MYH14: variants seen among roughly 807,000 people sequenced by gnomAD.
MYH14 encodes myosin-14.
A neutral mutation model predicts 255.5 loss-of-function variants in MYH14; 123 were observed. The observed-to-expected ratio is 0.48, with a 90% confidence interval of 0.42 to 0.56. The LOEUF (loss-of-function observed/expected upper bound fraction) is 0.56, where lower values mean the gene tolerates loss of function less well. Among genes scored for constraint, MYH14 ranks in the 20% least tolerant of loss-of-function variants. MYH14 has a pLI of 0.00. For missense variants in MYH14, 2,423 were observed against 2,802.3 expected (o/e 0.86, Z 3.06); for synonymous variants, 1,095 against 1,161.2 (o/e 0.94, Z 1.16).
At chr19:50,225,886 G>A (rs572139204) in intron 7 of MYH14, among the ~76,000 whole-genome samples, 3 of 110,402 alleles carry the variant, frequency 2.7e-5, no homozygotes, top group Non-Finnish European at 5.8e-5. Flanking sequence ...TTGAGTCTGA[G>A]GGAGGAGGGG....
intron 1 of MYH14, among the ~76,000 whole-genome samples, chr19:50,206,850 G>T (rs57504675): frequency 6.6e-6 from 1 of 151,942 alleles, no homozygotes; most frequent in South Asian, 2.1e-4. Context: ...CTGCTGTTGG[G>T]GAGACAGAAA....
intron 1 of MYH14, among the ~76,000 whole-genome samples, chr19:50,204,933 A>G (rs1170939803): frequency 1.3e-5 from 2 of 151,652 alleles, no homozygotes; most frequent in Admixed American, 1.3e-4. Flanking sequence ...TATGATCTCA[A>G]AGAGCTGTTC....
intron 21 of MYH14, 67 bp from the exon 22 acceptor site, chr19:50,263,245 G>T: frequency 1.0e-6 from 1 of 965,346 alleles, no homozygotes. Flanking sequence ...AAAGGAGCTT[G>T]GCTCTCTTGC....
At chr19:50,272,336 G>C (rs1193267093) in intron 26 of MYH14, among the ~76,000 whole-genome samples, 1 of 152,088 alleles carries the variant, frequency 6.6e-6, no homozygotes, top group East Asian at 1.9e-4. Flanking sequence ...GTCAGAGGGT[G>C]GAGGCATGGG....
At chr19:50,255,443 T>C in intron 17 of MYH14, 125 bp downstream of exon 17, 1 of 724,790 alleles carries the variant, frequency 1.4e-6, no homozygotes, top group Non-Finnish European at 2.4e-6. Context: ...TCACTCTTCC[T>C]TTCCCTCCTT....
rs766899159 is a variant in MYH14, at chr19:50,278,160, G to A, written c.3903G>A (p.Leu1301=). The A allele has an allele frequency of 7.4e-6, 12 of 1,612,168 alleles. No individual in the cohort carries two copies. ...AGCTGCGGGCAGAACTGAGCAGCCT[G>A]CAGACTGCACGTCAGGAGGGTGAGC... ...VSELRAELSS[L]QTARQEGEQR... Residue 1301 remains leucine, a synonymous_variant, in exon 30 of 43, where the codon CTG becomes CTA. Coordinates refer to ENST00000642316, the MANE Select transcript of MYH14 (RefSeq NM_001145809.2).
rs1003660190 is a variant in MYH14 at position 50,252,844 on chromosome 19, G to A, written c.1945+91G>A. 2.3e-5 allele frequency: 21 copies of A among 894,536 alleles called. No individual in the cohort carries two copies. The South Asian group carries it at 2.8e-4, about 12-fold the overall frequency. The allele number at this position is 894,536 out of a possible 1,614,324, so 55.4% of individuals were successfully genotyped here. ...TGAGCACCTTTGTTTCAGAGGCGGAGGTCTGAACCTGAGTTTTCTGCTCAG... is the reference window on the plus strand; with the variant it reads ...TGAGCACCTTTGTTTCAGAGGCGGAAGTCTGAACCTGAGTTTTCTGCTCAG... On this transcript the variant is annotated intron_variant, in intron 16 of 42. Coordinates refer to ENST00000642316, the MANE Select transcript of MYH14 (RefSeq NM_001145809.2). This position sits in a 1 kb window ranked among gnomAD's most constrained non-coding sequence, Gnocchi z 4.2.
Position 50,309,705 on chromosome 19 carries a change from C to G in MYH14, c.6026C>G (p.Ala2009Gly), listed in dbSNP as rs2036789029. ...GTCTTCCGACTAGAGGAGGGCGTGGCATCCGACGAGGAGGCAGAGGAAGCA... is the reference window on the plus strand; with the variant it reads ...GTCTTCCGACTAGAGGAGGGCGTGGGATCCGACGAGGAGGCAGAGGAAGCA... Reference protein sequence around the residue: ...RQVFRLEEGVASDEEAEEAQP... With the variant: ...RQVFRLEEGVGSDEEAEEAQP... The change falls in exon 43 of 43, where the codon GCA becomes GGA. Residue 2009 changes from alanine (A) to glycine (G), a missense_variant. This residue lies in a region of MYH14 where 1,513 missense variants were observed against 1,674.8 expected (regional missense o/e 0.90). Transcript: ENST00000642316. 3 of 1,607,098 alleles carry G rather than the reference C, an allele frequency of 1.9e-6. No individual in the cohort carries two copies. Among genetic ancestry groups the G allele is most frequent in the Non-Finnish European group, 2.5e-6 (3 of 1,177,232 alleles).
intron 10 of MYH14, among the ~76,000 whole-genome samples, chr19:50,235,859 T>C (rs1288950177): frequency 6.6e-6 from 1 of 152,096 alleles, no homozygotes; most frequent in African/African-American, 2.4e-5. Context: ...CCCTCTCCAC[T>C]GCCCTTTCCT....
intron 1 of MYH14, among the ~76,000 whole-genome samples, chr19:50,206,636 G>A (rs1243683779): frequency 2.6e-5 from 4 of 152,116 alleles, no homozygotes; most frequent in African/African-American, 9.7e-5. Context: ...GGGGATGGGA[G>A]GAGAGGGTCT....
chr19:50,210,786 C>G lies in MYH14; in HGVS notation c.405+16C>G. 6.4e-7 allele frequency: 1 copy of G among 1,550,886 alleles called. No individual in the cohort carries two copies. Among genetic ancestry groups the G allele is most frequent in the South Asian group, 1.2e-5 (1 of 82,294 alleles). Reference sequence around the variant, plus strand: ...CCTCATCTACGTGAGTGGGCTCCTGCTGGGGGGCGCGTGCGGCGGAGTTGC... The same window carrying G: ...CCTCATCTACGTGAGTGGGCTCCTGGTGGGGGGCGCGTGCGGCGGAGTTGC... On this transcript the variant is annotated intron_variant, in intron 2 of 42. Coordinates refer to ENST00000642316, the MANE Select transcript of MYH14 (RefSeq NM_001145809.2).
intron 8 of MYH14, among the ~76,000 whole-genome samples, chr19:50,228,586 C>G (rs541188326): frequency 2.0e-5 from 3 of 152,298 alleles, no homozygotes; most frequent in East Asian, 1.9e-4. Context: ...CTGCCGTTTT[C>G]TGCTCATGGC....
intron 9 of MYH14, 64 bp from the exon 10 acceptor site, chr19:50,231,866 A>G: frequency 6.3e-7 from 1 of 1,596,986 alleles, no homozygotes; most frequent in African/African-American, 1.3e-5. Context: ...GCCACCGATG[A>G]ATCCAGGATG....
chr19:50,214,167 T>C (rs1448871074), intron 2 of MYH14, among the ~76,000 whole-genome samples: 1 of 152,172 alleles, frequency 6.6e-6, no homozygotes, highest in Non-Finnish European at 1.5e-5. Context: ...CATGAACTTG[T>C]GGATGACTCC....
At chr19:50,246,817 T>C (rs1252176567) in intron 11 of MYH14, among the ~76,000 whole-genome samples, 187 bp from the exon 12 acceptor site, 3 of 152,174 alleles carry the variant, frequency 2.0e-5, no homozygotes, top group Non-Finnish European at 2.9e-5. Flanking sequence ...TTGCCAGTGC[T>C]GGTTCCTGGA....
At chr19:50,229,401 AC>A (rs1203597460) in intron 8 of MYH14, among the ~76,000 whole-genome samples, 1 of 152,182 alleles carries the variant, frequency 6.6e-6, no homozygotes, top group Non-Finnish European at 1.5e-5. Context: ...TAATCCCAGC[AC>A]TTTGGGAGGC....
At chr19:50,238,652 A>G (rs1009303661) in intron 10 of MYH14, among the ~76,000 whole-genome samples, 2 of 152,046 alleles carry the variant, frequency 1.3e-5, no homozygotes, top group African/African-American at 2.4e-5. Flanking sequence ...GGGGTTCACC[A>G]TGTTGGCCAG....
chr19:50,279,913 A>G, intron 30 of MYH14, 124 bp from the exon 31 acceptor site: 2 of 774,452 alleles, frequency 2.6e-6, no homozygotes, highest in Non-Finnish European at 4.5e-6. Context: ...TGGATCTGCC[A>G]GACTGTTTTC....
intron 11 of MYH14, among the ~76,000 whole-genome samples, chr19:50,244,748 G>T (rs1342897633): frequency 1.3e-5 from 2 of 152,120 alleles, no homozygotes; most frequent in Non-Finnish European, 2.9e-5. Context: ...CTCCCAAAGT[G>T]CTGGGATTAC....
Sources: gnomAD v4.1 joint callset for allele counts (sites outside exome capture counted in the v4.1 genomes callset) on GRCh38, gnomAD v4.1.1 for gene constraint, gnomAD v4.1.1 regional missense constraint, Gnocchi (gnomAD v3.1) non-coding constraint, MANE v1.5 for transcripts, NCBI Gene and HGNC (gene_info 2026-07-23, HGNC 2026-07-21) for gene names.